Variants in COPS8 observed in about 807,000 individuals in gnomAD.
COPS8 encodes COP9 signalosome subunit 8, also known as COP9 signalosome complex subunit 8.
A neutral mutation model predicts 31.5 loss-of-function variants in COPS8; 11 were observed. The ratio of observed to expected loss-of-function variants is 0.35; its 90% CI spans 0.22 to 0.58. COPS8 has a LOEUF of 0.58. Among genes scored for constraint, COPS8 ranks in the 20% least tolerant of loss-of-function variants. COPS8 has a pLI of 0.83. For missense variants in COPS8, 215 were observed against 255.1 expected (o/e 0.84, Z 1.07); for synonymous variants, 81 against 89.3 (o/e 0.91, Z 0.52).
At chr2:237,095,574 A>G (rs1045154342) in intron 5 of COPS8, among the ~76,000 whole-genome samples, 1 of 152,214 alleles carries the variant, frequency 6.6e-6, no homozygotes, top group Non-Finnish European at 1.5e-5. Context: ...TATTCTTGAC[A>G]GAAAACTAAC....
intron 4 of COPS8, among the ~76,000 whole-genome samples, chr2:237,091,144 G>C (rs188388860): frequency 1.3e-5 from 2 of 152,086 alleles, no homozygotes; most frequent in East Asian, 3.9e-4. Context: ...CTTGTGCACC[G>C]TCGGGTCCGT....
intron 4 of COPS8, 95 bp from the exon 5 acceptor site, chr2:237,093,995 G>C (rs977981680): frequency 1.3e-6 from 2 of 1,511,792 alleles, no homozygotes; most frequent in Admixed American, 4.2e-5. Flanking sequence ...CCTTGCTTAT[G>C]AAAACTAGAC....
rs747854981 is a variant in COPS8, at chr2:237,094,163, C to T, written c.405C>T (p.Ala135=). The T allele has an allele frequency of 6.2e-7, 1 of 1,613,974 alleles. No homozygotes were observed. The highest frequency in any genetic ancestry group is 8.5e-7 in the Non-Finnish European group (1 of 1,179,922). ...CAATCATCGCCGATGATTTTGCAGC[C>T]TTTGTTGGACTTCCTGTAGAAGAGG... is the stretch of plus-strand genomic sequence containing the variant. ...YTSIIADDFA[A]FVGLPVEEAV... is the part of the protein sequence containing the mutation. The change falls in exon 5 of 8, where the codon GCC becomes GCT. Residue 135 remains alanine (A), a synonymous_variant. Coordinates refer to ENST00000354371, the MANE Select transcript of COPS8 (RefSeq NM_006710.5).
At chr2:237,097,618 A>T in intron 7 of COPS8, 45 bp from the exon 8 acceptor site, 1 of 1,411,938 alleles carries the variant, frequency 7.1e-7, no homozygotes, top group Non-Finnish European at 1.0e-6. Flanking sequence ...AAGCTTTGTT[A>T]CTGTGGTATG....
intron 1 of COPS8, among the ~76,000 whole-genome samples, 166 bp downstream of exon 1, chr2:237,086,208 C>T (rs751924560): frequency 3.9e-5 from 6 of 152,050 alleles, no homozygotes; most frequent in Non-Finnish European, 8.8e-5. Flanking sequence ...CTGCTCCGAC[C>T]GGGCCCGGTC....
At chr2:237,088,556 A>G (rs113198349) in intron 2 of COPS8, 49 bp from the exon 3 acceptor site, 2 of 1,368,436 alleles carry the variant, frequency 1.5e-6, no homozygotes, top group Non-Finnish European at 2.1e-6. Flanking sequence ...ATTTCCTGAG[A>G]TGATTATGTT....
chr2:237,095,522 C>G (rs1696784075), intron 5 of COPS8, among the ~76,000 whole-genome samples: 1 of 152,128 alleles, frequency 6.6e-6, no homozygotes, highest in Admixed American at 6.5e-5. Flanking sequence ...AGTTTTCCTT[C>G]TGTTTGTTTT....
At position 237,097,736 on chromosome 2, in the gene COPS8, A is replaced by G. The variant is rs781377962; in HGVS notation, c.624A>G (p.Glu208=). ...ARLTDYVAFL[E]N is the part of the protein sequence containing the mutation. ...TGACGGATTATGTGGCTTTCCTTGAAAACTGATTTATCACTCTGAGTTCAA... is the reference window on the plus strand; with the variant it reads ...TGACGGATTATGTGGCTTTCCTTGAGAACTGATTTATCACTCTGAGTTCAA... Residue 208 remains glutamate, a synonymous_variant, in exon 8 of 8, where the codon GAA becomes GAG. Transcript: ENST00000354371. 6.2e-7 allele frequency: 1 copy of G among 1,608,174 alleles called. No individual in the cohort carries two copies. The highest frequency in any genetic ancestry group is 1.1e-5 in the South Asian group (1 of 90,918).
At chr2:237,096,786 T>C (rs766515977) in intron 6 of COPS8, 36 bp from the exon 7 acceptor site, 9 of 1,554,930 alleles carry the variant, frequency 5.8e-6, no homozygotes, top group Non-Finnish European at 6.2e-6. Context: ...CAATGACTTC[T>C]GTAAATTGAG....
intron 2 of COPS8, chr2:237,087,503 T>C: frequency 2.7e-6 from 1 of 370,408 alleles, no homozygotes; most frequent in Non-Finnish European, 5.4e-6. Flanking sequence ...TCATATATAA[T>C]CAATAAAACA....
chr2:237,086,405 AAC>A (rs1696613660), intron 1 of COPS8, among the ~76,000 whole-genome samples: 1 of 151,906 alleles, frequency 6.6e-6, no homozygotes, highest in Non-Finnish European at 1.5e-5. Context: ...CACACACACT[AAC>A]ACACACACCG....
chr2:237,091,260 G>A (rs559136131), intron 4 of COPS8, among the ~76,000 whole-genome samples: 1 of 152,314 alleles, frequency 6.6e-6, no homozygotes, highest in South Asian at 2.1e-4. Flanking sequence ...GTACCATGCG[G>A]GAGTTTAAGC....
At chr2:237,087,283 CAT>C in intron 2 of COPS8, 86 bp downstream of exon 2, 2 of 887,706 alleles carry the variant, frequency 2.3e-6, no homozygotes, top group South Asian at 3.2e-5. Context: ...CACCACTAAA[CAT>C]AGGCACAACG....
chr2:237,093,690 G>T, intron 4 of COPS8: 2 of 986,326 alleles, frequency 2.0e-6, no homozygotes, highest in Non-Finnish European at 2.4e-6. Flanking sequence ...AGACGTTTTT[G>T]AAAAGGACAG....
chr2:237,089,747 G>A (rs1392732167), intron 3 of COPS8, 115 bp from the exon 4 acceptor site: 1 of 1,023,752 alleles, frequency 9.8e-7, no homozygotes, highest in Non-Finnish European at 1.4e-6. Context: ...GTTGAATTAG[G>A]TTTTAATGAT....
chr2:237,090,307 G>A (rs1696684007), intron 4 of COPS8, among the ~76,000 whole-genome samples: 1 of 152,202 alleles, frequency 6.6e-6, no homozygotes, highest in Non-Finnish European at 1.5e-5. Context: ...GGTTTGTAGA[G>A]ATGTGAAAAT....
At position 237,097,715 on chromosome 2, in the gene COPS8, G is replaced by A. The variant is rs900843141; in HGVS notation, c.603G>A (p.Thr201=). 3.7e-6 allele frequency: 6 copies of A among 1,612,320 alleles called. No homozygotes were observed. Among genetic ancestry groups the A allele is most frequent in the African/African-American group, 2.7e-5 (2 of 74,812 alleles). Residue 201 remains threonine, a synonymous_variant, in exon 8 of 8, where the codon ACG becomes ACA. Transcript: ENST00000354371. Reference sequence around the variant, plus strand: ...ATGAACAGCAGTTAGCCAGACTGACGGATTATGTGGCTTTCCTTGAAAACT... The same window carrying A: ...ATGAACAGCAGTTAGCCAGACTGACAGATTATGTGGCTTTCCTTGAAAACT... ...IPNEQQLARL[T]DYVAFLEN is the part of the protein sequence containing the mutation.
chr2:237,097,790 C>T lies in COPS8; in HGVS notation c.*48C>T. ...TCATCTTCAGAATCCTGTATACTGACAAACGTAGAAATGTAAAGTTTGTAT... is the reference window on the plus strand; with the variant it reads ...TCATCTTCAGAATCCTGTATACTGATAAACGTAGAAATGTAAAGTTTGTAT... On this transcript the variant is annotated 3_prime_UTR_variant, in exon 8 of 8. Coordinates refer to ENST00000354371, the MANE Select transcript of COPS8 (RefSeq NM_006710.5). The T allele has an allele frequency of 7.4e-7, 1 of 1,360,070 alleles. No individual in the cohort carries two copies. Among genetic ancestry groups the T allele is most frequent in the Non-Finnish European group, 1.0e-6 (1 of 955,586 alleles). 84.3% of individuals were successfully genotyped at this position (1,360,070 alleles called of 1,614,324 possible). A position where few individuals can be genotyped will look rare whatever the true frequency, so the allele number is the denominator to read the frequency against.
rs1696858844 is a variant in COPS8 at position 237,099,463 on chromosome 2, C to G, written c.*1721C>G. The G allele has an allele frequency of 6.6e-6, 1 of 152,038 alleles. No homozygotes were observed. The allele number at this position is 152,038 out of a possible 1,614,324, so 9.4% of individuals were successfully genotyped here. A position where few individuals can be genotyped will look rare whatever the true frequency, so the allele number is the denominator to read the frequency against. On this transcript the variant is annotated 3_prime_UTR_variant, in exon 8 of 8. Transcript: ENST00000354371. ...ATATACACTAAGGACAGAAAAAAATCTTAGACTAATGAATGTGGTTTTTCA... is the reference window on the plus strand; with the variant it reads ...ATATACACTAAGGACAGAAAAAAATGTTAGACTAATGAATGTGGTTTTTCA...
Sources: gnomAD v4.1 joint callset for allele counts (sites outside exome capture counted in the v4.1 genomes callset) on GRCh38, gnomAD v4.1.1 for gene constraint, MANE v1.5 for transcripts, NCBI Gene and HGNC (gene_info 2026-07-23, HGNC 2026-07-21) for gene names.